SGCD: variants seen among roughly 807,000 people sequenced by gnomAD.
SGCD encodes sarcoglycan delta, also known as delta-sarcoglycan.
In SGCD, 18 loss-of-function variants were observed where a neutral mutation model predicts 36.6. The observed-to-expected ratio is 0.49, with a 90% confidence interval of 0.34 to 0.73. The LOEUF is 0.73. SGCD is among the 30% of genes least tolerant of loss of function. SGCD has a pLI of 0.01. For synonymous variants in SGCD, 133 were observed against 130.6 expected (o/e 1.02, Z -0.12); for missense variants, 387 against 346.7 (o/e 1.12, Z -0.92).
the SGCD span, among the ~76,000 whole-genome samples, chr5:155,770,181 A>G: frequency 6.6e-5 from 10 of 152,234 alleles, no homozygotes; most frequent in Admixed American, 6.5e-4. Flanking sequence ...AAGCCCAAGG[A>G]GGCAAGCAAA....
rs778938091 is a variant in SGCD at position 156,433,452 on chromosome 5, G to A, written c.193-75149G>A. On this transcript the variant is annotated intron_variant, in intron 3 of 8. Transcript: ENST00000337851. ...AAGCAGAAGAACAAAGGCCCACGTTGGTGGCTGACCACCTTGAAACCTCAG... is the reference window on the plus strand; with the variant it reads ...AAGCAGAAGAACAAAGGCCCACGTTAGTGGCTGACCACCTTGAAACCTCAG... Among the ~76,000 whole-genome samples, 68 of 152,254 alleles carry A rather than the reference G, an allele frequency of 4.5e-4. 1 individual carries two copies. The highest frequency in any genetic ancestry group is 6.9e-4 in the Non-Finnish European group (47 of 68,018).
intron 1 of SGCD, among the ~76,000 whole-genome samples, chr5:155,894,426 A>C (rs1457665311): frequency 6.6e-6 from 1 of 152,160 alleles, no homozygotes; most frequent in Non-Finnish European, 1.5e-5. Flanking sequence ...CGAGCCTTTG[A>C]GATCAAGGGA....
At chr5:156,252,383 A>G (rs1765605035) in intron 3 of SGCD, among the ~76,000 whole-genome samples, 1 of 152,078 alleles carries the variant, frequency 6.6e-6, no homozygotes, top group African/African-American at 2.4e-5. Context: ...GGCGATATTA[A>G]CATTTTGGAT....
intron 4 of SGCD, among the ~76,000 whole-genome samples, chr5:156,581,608 C>T (rs531848255): frequency 3.9e-5 from 6 of 152,266 alleles, no homozygotes; most frequent in African/African-American, 1.4e-4. Context: ...CTTTGTTTAC[C>T]TACTCAAGCC....
At chr5:156,364,724 T>C (rs1769997131) in intron 3 of SGCD, among the ~76,000 whole-genome samples, 1 of 152,218 alleles carries the variant, frequency 6.6e-6, no homozygotes, top group African/African-American at 2.4e-5. Flanking sequence ...CTATTGTTAG[T>C]GACAGGACAG....
At chr5:156,210,071 G>A (rs1764397539) in intron 3 of SGCD, among the ~76,000 whole-genome samples, 1 of 152,108 alleles carries the variant, frequency 6.6e-6, no homozygotes, top group African/African-American at 2.4e-5. Context: ...CTGCCCTCAT[G>A]GGTATAGTCA....
chr5:155,798,147 A>G, the SGCD span, among the ~76,000 whole-genome samples: 1 of 152,182 alleles, frequency 6.6e-6, no homozygotes, highest in Non-Finnish European at 1.5e-5. Flanking sequence ...CACAGATTCC[A>G]TACACTTCTT....
At chr5:156,470,758 G>A (rs538089548) in intron 3 of SGCD, among the ~76,000 whole-genome samples, 4 of 152,188 alleles carry the variant, frequency 2.6e-5, no homozygotes, top group East Asian at 1.9e-4. Context: ...TCATAATAAG[G>A]ACTAATTTTA....
chr5:156,223,331 G>C (rs555910662), intron 3 of SGCD, among the ~76,000 whole-genome samples: 1 of 152,192 alleles, frequency 6.6e-6, no homozygotes, highest in South Asian at 2.1e-4. Flanking sequence ...TGAGTGGTCA[G>C]AGTTATAAGA....
chr5:155,797,293 A>T, the SGCD span, among the ~76,000 whole-genome samples: 1 of 152,308 alleles, frequency 6.6e-6, no homozygotes, highest in Non-Finnish European at 1.5e-5. Context: ...TCACAATCTA[A>T]TTTTGATAAA....
the SGCD span, among the ~76,000 whole-genome samples, chr5:155,748,271 G>C: frequency 1.3e-5 from 2 of 151,720 alleles, no homozygotes; most frequent in Non-Finnish European, 2.9e-5. Context: ...AATTCTTAAA[G>C]ATTTTTGCTT....
At chr5:155,779,700 A>G in the SGCD span, among the ~76,000 whole-genome samples, 1 of 152,132 alleles carries the variant, frequency 6.6e-6, no homozygotes, top group East Asian at 1.9e-4. Flanking sequence ...GCCATAGCAC[A>G]TATTTATATC....
At chr5:156,362,213 T>A (rs1769834047) in intron 3 of SGCD, among the ~76,000 whole-genome samples, 3 of 152,212 alleles carry the variant, frequency 2.0e-5, no homozygotes, top group Admixed American at 6.5e-5. Flanking sequence ...GAGAGGCCAT[T>A]TGACCTTTAC....
chr5:156,149,549 G>A (rs897050628), intron 3 of SGCD, among the ~76,000 whole-genome samples: 9 of 152,106 alleles, frequency 5.9e-5, no homozygotes, highest in Non-Finnish European at 8.8e-5. Flanking sequence ...CCTAGGGATG[G>A]GCTGCTCACC....
chr5:156,303,719 C>T (rs773791411), intron 3 of SGCD, among the ~76,000 whole-genome samples: 3 of 151,496 alleles, frequency 2.0e-5, no homozygotes, highest in Non-Finnish European at 4.4e-5. Context: ...AAGCAGCTTC[C>T]GTTATGGCCT....
At chr5:156,420,984 T>C (rs980566251) in intron 3 of SGCD, among the ~76,000 whole-genome samples, 1 of 152,062 alleles carries the variant, frequency 6.6e-6, no homozygotes, top group Non-Finnish European at 1.5e-5. Flanking sequence ...CAAATAAACA[T>C]CTGTTATATT....
chr5:155,851,840 T>C, the SGCD span, among the ~76,000 whole-genome samples: 2 of 152,208 alleles, frequency 1.3e-5, no homozygotes, highest in South Asian at 4.1e-4. Flanking sequence ...TTGAACTGGA[T>C]GGTGTCTAGA....
chr5:156,009,091 C>T (rs1342042798), intron 1 of SGCD, among the ~76,000 whole-genome samples: 1 of 152,122 alleles, frequency 6.6e-6, no homozygotes, highest in Non-Finnish European at 1.5e-5. Flanking sequence ...GGGGGTGTCT[C>T]CAGTCCCACT....
intron 4 of SGCD, among the ~76,000 whole-genome samples, chr5:156,530,003 G>A (rs1047579878): frequency 2.0e-5 from 3 of 152,184 alleles, no homozygotes; most frequent in African/African-American, 7.2e-5. Context: ...ATATTGGAGG[G>A]GGAGAAGGAA....
Sources: allele counts gnomAD v4.1 joint callset (sites outside exome capture counted in the v4.1 genomes callset), GRCh38; gene constraint gnomAD v4.1.1; transcripts MANE v1.5; gene names NCBI Gene and HGNC (gene_info 2026-07-23, HGNC 2026-07-21).